LUZP2: variants seen among roughly 807,000 people sequenced by gnomAD.
LUZP2 encodes the protein leucine zipper protein 2.
In LUZP2, 52 loss-of-function variants were observed where a neutral mutation model predicts 51.6. The ratio of observed to expected loss-of-function variants is 1.01; its 90% confidence interval spans 0.81 to 1.27. The LOEUF (loss-of-function observed/expected upper bound fraction) is 1.27, where lower values mean the gene tolerates loss of function less well. Among genes scored for constraint, LUZP2 ranks in the 50% most tolerant of loss-of-function variants. LUZP2 has a pLI of 0.00. For synonymous variants in LUZP2, 154 were observed against 137.3 expected (o/e 1.12, Z -0.85); for missense variants, 436 against 395.4 (o/e 1.10, Z -0.87).
chr11:24,791,957 C>T (rs78470736), intron 5 of LUZP2, among the ~76,000 whole-genome samples: 1 of 144,738 alleles, frequency 6.9e-6, no homozygotes, highest in Non-Finnish European at 1.5e-5. Flanking sequence ...TAGTGAGAGT[C>T]TTTTTTTTTT....
intron 5 of LUZP2, among the ~76,000 whole-genome samples, chr11:24,796,621 G>T (rs1170169553): frequency 6.6e-6 from 1 of 151,076 alleles, no homozygotes; most frequent in African/African-American, 2.4e-5. Flanking sequence ...TTTATACCAG[G>T]GCTGGCTTGT....
intron 7 of LUZP2, among the ~76,000 whole-genome samples, chr11:24,932,469 C>T (rs1415843276): frequency 6.6e-6 from 1 of 152,072 alleles, no homozygotes; most frequent in Non-Finnish European, 1.5e-5. Context: ...TTGGGTGATT[C>T]TTGCGGCAGC....
intron 1 of LUZP2, among the ~76,000 whole-genome samples, chr11:24,676,977 T>C (rs780277672): frequency 6.6e-6 from 1 of 152,174 alleles, no homozygotes; most frequent in Non-Finnish European, 1.5e-5. Flanking sequence ...AAGCCTCTCA[T>C]AGCTTTTACA....
intron 5 of LUZP2, among the ~76,000 whole-genome samples, chr11:24,821,598 T>A (rs572586961): frequency 2.1e-4 from 32 of 152,240 alleles, no homozygotes; most frequent in African/African-American, 7.0e-4. Flanking sequence ...CATAACTGAG[T>A]AGTTTTTATG....
intron 7 of LUZP2, among the ~76,000 whole-genome samples, chr11:24,955,223 CT>C (rs1399858887): frequency 8.6e-5 from 13 of 151,892 alleles, no homozygotes; most frequent in African/African-American, 1.2e-4. Flanking sequence ...AATTTGAAGA[CT>C]TTTTTGTCTA....
At chr11:25,049,282 T>G (rs1858414936) in intron 9 of LUZP2, among the ~76,000 whole-genome samples, 1 of 152,142 alleles carries the variant, frequency 6.6e-6, no homozygotes, top group Non-Finnish European at 1.5e-5. Context: ...CCTAAAACAG[T>G]ACCCTCAGGG....
At chr11:24,908,996 C>T (rs1280181093) in intron 6 of LUZP2, among the ~76,000 whole-genome samples, 2 of 151,648 alleles carry the variant, frequency 1.3e-5, no homozygotes, top group Non-Finnish European at 2.9e-5. Context: ...CTCCTGACCT[C>T]GTGATCCACC....
At chr11:24,531,586 C>T (rs1851002099) in intron 1 of LUZP2, among the ~76,000 whole-genome samples, 1 of 150,912 alleles carries the variant, frequency 6.6e-6, no homozygotes, top group Non-Finnish European at 1.5e-5. Flanking sequence ...ACCTCCCTTT[C>T]CCCTACTTTT....
chr11:25,078,404 A>C, intron 11 of LUZP2, 150 bp from the exon 12 acceptor site: 1 of 593,278 alleles, frequency 1.7e-6, no homozygotes. Flanking sequence ...ACATCTTCAC[A>C]TTTGTTTCAT....
intron 7 of LUZP2, among the ~76,000 whole-genome samples, chr11:24,936,879 A>G (rs1412226070): frequency 6.6e-6 from 1 of 152,172 alleles, no homozygotes; most frequent in East Asian, 1.9e-4. Context: ...TAACTAGCGT[A>G]TCTTCCCACC....
rs1183207374 is a variant in LUZP2, at chr11:25,079,176, CTAA to C, written c.*522_*524del. ...TTATTGCTATTGGTATTATTTTGAA[CTAA>C]TAACAATTATTTTGTCTAAATAATG... On this transcript the variant is annotated 3_prime_UTR_variant, in exon 12 of 12. Transcript: ENST00000336930. 1.3e-5 allele frequency: 2 copies of C among 152,150 alleles called. No homozygotes were observed. Among genetic ancestry groups the C allele is most frequent in the African/African-American group, 4.8e-5 (2 of 41,410 alleles). 9.4% of individuals were successfully genotyped at this position (152,150 alleles called of 1,614,324 possible).
intron 1 of LUZP2, among the ~76,000 whole-genome samples, chr11:24,547,072 T>G (rs985318201): frequency 2.6e-5 from 4 of 152,034 alleles, no homozygotes; most frequent in South Asian, 4.1e-4. Flanking sequence ...GTTTCTTTCT[T>G]TCTTGTTCAG....
At chr11:24,573,869 T>A (rs992718148) in intron 1 of LUZP2, among the ~76,000 whole-genome samples, 2 of 151,788 alleles carry the variant, frequency 1.3e-5, no homozygotes, top group Non-Finnish European at 1.5e-5. Context: ...TTTTATTTTT[T>A]TTATTTTTTT....
rs1859453600 is a variant in LUZP2 at position 25,081,302 on chromosome 11, GC to G, written c.*2645del. 1 of 151,962 alleles carries G rather than the reference GC, an allele frequency of 6.6e-6. No homozygotes were observed. The allele number at this position is 151,962 out of a possible 1,614,324, so 9.4% of individuals were successfully genotyped here. Reference sequence around the variant, plus strand: ...ACCTGCCTCAGTCTCCTCCCAAAATGCTGGGATTACAGGTGTGAGCCACCGT... The same window carrying G: ...ACCTGCCTCAGTCTCCTCCCAAAATGTGGGATTACAGGTGTGAGCCACCGT... On this transcript the variant is annotated 3_prime_UTR_variant, in exon 12 of 12. Coordinates refer to ENST00000336930, the MANE Select transcript of LUZP2 (RefSeq NM_001009909.4).
intron 1 of LUZP2, among the ~76,000 whole-genome samples, chr11:24,562,784 C>T (rs536526617): frequency 1.3e-5 from 2 of 150,424 alleles, no homozygotes; most frequent in South Asian, 4.2e-4. Flanking sequence ...ATGGCATGAA[C>T]CCGGGAGGCG....
chr11:25,025,451 A>G (rs1325762705), intron 9 of LUZP2, among the ~76,000 whole-genome samples: 2 of 152,220 alleles, frequency 1.3e-5, no homozygotes, highest in Non-Finnish European at 2.9e-5. Context: ...ATTTACAAGA[A>G]AAAATCAAAC....
At chr11:24,549,171 A>G (rs1385819529) in intron 1 of LUZP2, among the ~76,000 whole-genome samples, 1 of 152,046 alleles carries the variant, frequency 6.6e-6, no homozygotes, top group African/African-American at 2.4e-5. Context: ...CCCTTATTTT[A>G]TAACCTTTTC....
At chr11:24,577,865 G>A (rs1852708525) in intron 1 of LUZP2, among the ~76,000 whole-genome samples, 1 of 152,074 alleles carries the variant, frequency 6.6e-6, no homozygotes, top group Non-Finnish European at 1.5e-5. Context: ...GCAGTTACAA[G>A]TAAGAAACTT....
chr11:24,720,702 T>C (rs1314589955), intron 1 of LUZP2, among the ~76,000 whole-genome samples: 1 of 152,004 alleles, frequency 6.6e-6, no homozygotes, highest in Non-Finnish European at 1.5e-5. Flanking sequence ...TGTTTGTTTG[T>C]TTTGTTTTGT....
Sources: gnomAD v4.1 joint callset for allele counts (sites outside exome capture counted in the v4.1 genomes callset) on GRCh38, gnomAD v4.1.1 for gene constraint, MANE v1.5 for transcripts, NCBI Gene and HGNC (gene_info 2026-07-23, HGNC 2026-07-21) for gene names.